CNKSR3: variants seen among roughly 807,000 people sequenced by gnomAD.
The protein encoded by CNKSR3 is connector enhancer of kinase suppressor of ras 3.
A neutral mutation model predicts 67.7 loss-of-function variants in CNKSR3; 36 were observed. The observed-to-expected ratio is 0.53, with a 90% confidence interval of 0.41 to 0.70. The LOEUF (loss-of-function observed/expected upper bound fraction) is 0.70, where lower values mean the gene tolerates loss of function less well. Among genes scored for constraint, CNKSR3 ranks in the 30% least tolerant of loss-of-function variants. The pLI is 0.00. For missense variants in CNKSR3, 630 were observed against 695.2 expected, an observed-to-expected ratio of 0.91 and a Z score of 1.05; for synonymous variants, 281 against 271.4, an observed-to-expected ratio of 1.04 and a Z score of -0.35.
At chr6:154,419,794 TGC>T (rs1785100670) in intron 9 of CNKSR3, among the ~76,000 whole-genome samples, 1 of 151,972 alleles carries the variant, frequency 6.6e-6, no homozygotes, top group African/African-American at 2.4e-5. Flanking sequence ...AAGAAGGAAA[TGC>T]TCGTGGGGCA....
chr6:154,421,625 T>C (rs1323594816), intron 9 of CNKSR3, among the ~76,000 whole-genome samples: 2 of 151,538 alleles, frequency 1.3e-5, no homozygotes, highest in East Asian at 1.9e-4. Context: ...GGAATTTAAA[T>C]AAAACTCAGT....
chr6:154,442,186 A>C lies in CNKSR3; in HGVS notation c.321T>G (p.Ala107=). The C allele has an allele frequency of 1.2e-6, 2 of 1,614,156 alleles. No homozygotes were observed. Among genetic ancestry groups the C allele is most frequent in the Non-Finnish European group, 1.7e-6 (2 of 1,180,012 alleles). The change falls in exon 3 of 13, where the codon GCT becomes GCG. Residue 107 remains alanine (A), a synonymous_variant. Transcript: ENST00000607772. ...NYISSRRKSP[A]YDGNTSRKAP... ...CCTTGCGGGAGGTGTTGCCATCGTA[A>C]GCGGGACTTTTCCGTCGGCTACTTA...
rs909840522 is a variant in CNKSR3, at chr6:154,393,494, C to T, written c.*12860G>A. The T allele has an allele frequency of 6.6e-6, 1 of 152,176 alleles. No individual in the cohort carries two copies. Among genetic ancestry groups the T allele is most frequent in the Non-Finnish European group, 1.5e-5 (1 of 68,028 alleles). 9.4% of individuals were successfully genotyped at this position (152,176 alleles called of 1,614,324 possible). On this transcript the variant is annotated 3_prime_UTR_variant, in exon 13 of 13. Transcript: ENST00000607772. ...GATTCTCTTTTGCAAAATGCCTTTT[C>T]GCTCGTTTTTGTGTTGATTTGTCAT...
At position 154,406,671 on chromosome 6, in the gene CNKSR3, C is replaced by T; in HGVS notation, c.1370-19G>A. On this transcript the variant is annotated intron_variant, in intron 12 of 12. Coordinates refer to ENST00000607772, the MANE Select transcript of CNKSR3 (RefSeq NM_173515.4). ...TCCTCCCCTGTTTCCAGACAAAGTC[C>T]ATTAAGTCACAATCCCAGCCGGGCG... The T allele has an allele frequency of 1.9e-6, 3 of 1,599,780 alleles. No individual in the cohort carries two copies. The highest frequency in any genetic ancestry group is 2.6e-6 in the Non-Finnish European group (3 of 1,171,584).
rs538614420 is a variant in CNKSR3 at position 154,443,087 on chromosome 6, G to A, written c.217-797C>T. 6.6e-5 allele frequency among the ~76,000 whole-genome samples: 10 copies of A among 151,950 alleles called. No homozygotes were observed. In the South Asian group the frequency reaches 8.3e-4, roughly 13 times the overall value. On this transcript the variant is annotated intron_variant, in intron 2 of 12. Coordinates refer to ENST00000607772, the MANE Select transcript of CNKSR3 (RefSeq NM_173515.4). ...TAATTTTTGTATTTTTAGTAGAGAC[G>A]GGGTTTCACCGTGTTGCCCAGGCTG... is the stretch of plus-strand genomic sequence containing the variant.
intron 9 of CNKSR3, among the ~76,000 whole-genome samples, chr6:154,418,606 T>C (rs1246097939): frequency 6.6e-6 from 1 of 152,124 alleles, no homozygotes; most frequent in Non-Finnish European, 1.5e-5. Context: ...TGACAGGCAC[T>C]CCATCAATTA....
At chr6:154,493,080 A>C (rs1786813104) in intron 1 of CNKSR3, among the ~76,000 whole-genome samples, 1 of 152,104 alleles carries the variant, frequency 6.6e-6, no homozygotes, top group African/African-American at 2.4e-5. Context: ...GCTCCCCAAA[A>C]CACTGACTGT....
chr6:154,501,533 C>T (rs898743602), intron 1 of CNKSR3, among the ~76,000 whole-genome samples: 4 of 152,056 alleles, frequency 2.6e-5, no homozygotes, highest in African/African-American at 4.8e-5. Context: ...CTCTCCAAGC[C>T]GGTTCGCACC....
chr6:154,442,383 G>A, intron 2 of CNKSR3, 93 bp from the exon 3 acceptor site: 1 of 1,066,208 alleles, frequency 9.4e-7, no homozygotes, highest in Non-Finnish European at 1.4e-6. Context: ...AGCACTTTGG[G>A]AGGCTGAAGT....
rs1364835989 is a variant in CNKSR3, at chr6:154,388,294, T to C, written c.*18060A>G. ...CTTTCTGTTAATAGTTTATTTCACTTAGCGTAATGTCCTTAAGATTTATCC... is the reference window on the plus strand; with the variant it reads ...CTTTCTGTTAATAGTTTATTTCACTCAGCGTAATGTCCTTAAGATTTATCC... On this transcript the variant is annotated 3_prime_UTR_variant, in exon 13 of 13. Transcript: ENST00000607772. The C allele has an allele frequency of 6.6e-6, 1 of 152,246 alleles. No individual in the cohort carries two copies. Among genetic ancestry groups the C allele is most frequent in the Non-Finnish European group, 1.5e-5 (1 of 68,046 alleles). 9.4% of individuals were successfully genotyped at this position (152,246 alleles called of 1,614,324 possible). A position where few individuals can be genotyped will look rare whatever the true frequency, so the allele number is the denominator to read the frequency against.
At chr6:154,499,855 T>G (rs1786947279) in intron 1 of CNKSR3, among the ~76,000 whole-genome samples, 1 of 145,778 alleles carries the variant, frequency 6.9e-6, no homozygotes. Flanking sequence ...TTATGTAAAA[T>G]TCTTCAAATT....
chr6:154,435,136 C>T (rs1785445786), intron 4 of CNKSR3, among the ~76,000 whole-genome samples: 1 of 151,892 alleles, frequency 6.6e-6, no homozygotes, highest in South Asian at 2.1e-4. Context: ...ACTGGGACCA[C>T]AGGTGCACAC....
At chr6:154,487,055 G>A (rs1786688687) in intron 1 of CNKSR3, among the ~76,000 whole-genome samples, 1 of 152,116 alleles carries the variant, frequency 6.6e-6, no homozygotes, top group South Asian at 2.1e-4. Context: ...GGGACTACAG[G>A]CACGTGCCAC....
chr6:154,505,320 A>G (rs1787075892), intron 1 of CNKSR3, among the ~76,000 whole-genome samples: 1 of 149,478 alleles, frequency 6.7e-6, no homozygotes, highest in Non-Finnish European at 1.5e-5. Context: ...ACAGGGAAAG[A>G]GCAAGTCCCG....
chr6:154,401,616 T>C lies in CNKSR3; in HGVS notation c.*4738A>G. 1 of 152,266 alleles carries C rather than the reference T, an allele frequency of 6.6e-6. No homozygotes were observed. Among genetic ancestry groups the C allele is most frequent in the East Asian group, 1.9e-4 (1 of 5,206 alleles). The allele number at this position is 152,266 out of a possible 1,614,324, so 9.4% of individuals were successfully genotyped here. A position where few individuals can be genotyped will look rare whatever the true frequency, so the allele number is the denominator to read the frequency against. ...AGCAGTCATACCAAAAGTAGTTTAC[T>C]TTTAAGATGTCCATCTTCCACAGAA... On this transcript the variant is annotated 3_prime_UTR_variant, in exon 13 of 13. Coordinates refer to ENST00000607772, the MANE Select transcript of CNKSR3 (RefSeq NM_173515.4).
In CNKSR3 at chr6:154,393,243, AT is replaced by A. The variant is rs1321179952; in HGVS notation, c.*13110del. 6.6e-6 allele frequency: 1 copy of A among 152,190 alleles called. No individual in the cohort carries two copies. The highest frequency in any genetic ancestry group is 2.4e-5 in the African/African-American group (1 of 41,442). The allele number at this position is 152,190 out of a possible 1,614,324, so 9.4% of individuals were successfully genotyped here. A position where few individuals can be genotyped will look rare whatever the true frequency, so the allele number is the denominator to read the frequency against. Reference sequence around the variant, plus strand: ...AGTGTTTCTAATCCCCAGGATATATATCTAGGAATGAAACTGCTGAGTCATA... The same window carrying A: ...AGTGTTTCTAATCCCCAGGATATATACTAGGAATGAAACTGCTGAGTCATA... On this transcript the variant is annotated 3_prime_UTR_variant, in exon 13 of 13. Transcript: ENST00000607772.
chr6:154,481,669 T>C (rs888231471), intron 1 of CNKSR3, among the ~76,000 whole-genome samples: 13 of 152,218 alleles, frequency 8.5e-5, no homozygotes, highest in Non-Finnish European at 1.8e-4. Context: ...TGTGTTTTGT[T>C]CTTTTTAAAG....
rs190349037 is a variant in CNKSR3, at chr6:154,486,008, A to G, written c.52+24055T>C. On this transcript the variant is annotated intron_variant, in intron 1 of 12. Coordinates refer to ENST00000607772, the MANE Select transcript of CNKSR3 (RefSeq NM_173515.4). ...TACATCGTGGACACACCCATGTATT[A>G]CTGCCACACCCACCAGTTATCAAAA... Among the ~76,000 whole-genome samples the G allele has an allele frequency of 9.5e-3, 1,440 of 152,318 alleles. 7 individuals are homozygous for G. The highest frequency in any genetic ancestry group is 0.015 in the Non-Finnish European group (1,053 of 68,024).
At chr6:154,449,254 C>T (rs1785772330) in intron 2 of CNKSR3, among the ~76,000 whole-genome samples, 1 of 152,302 alleles carries the variant, frequency 6.6e-6, no homozygotes, top group Non-Finnish European at 1.5e-5. Flanking sequence ...TGAAACTCAA[C>T]CGCTTTTTAT....
Sources: allele counts gnomAD v4.1 joint callset (sites outside exome capture counted in the v4.1 genomes callset), GRCh38; gene constraint gnomAD v4.1.1; transcripts MANE v1.5; gene names NCBI Gene and HGNC (gene_info 2026-07-23, HGNC 2026-07-21).